The following ESRRG variants were observed in gnomAD, a reference collection of about 807,000 sequenced individuals.
ESRRG encodes estrogen related receptor gamma.
A neutral mutation model predicts 44.0 loss-of-function variants in ESRRG; 13 were observed. The ratio of observed to expected loss-of-function variants is 0.30; its 90% confidence interval spans 0.19 to 0.47. ESRRG has a LOEUF of 0.47. Ranked by LOEUF, ESRRG falls within the 20% of genes least tolerant of loss-of-function variation. ESRRG has a pLI of 1.00. For synonymous variants in ESRRG, 215 were observed against 214.6 expected (o/e 1.00, Z -0.02); for missense variants, 395 against 580.6 (o/e 0.68, Z 3.29).
At chr1:216,905,735 A>C (rs746637229) in intron 2 of ESRRG, among the ~76,000 whole-genome samples, 6 of 152,056 alleles carry the variant, frequency 3.9e-5, no homozygotes, top group Admixed American at 3.9e-4. Flanking sequence ...CTGTTAAATA[A>C]ATTTATTCTT....
chr1:216,865,468 C>G (rs892852104), intron 2 of ESRRG, among the ~76,000 whole-genome samples: 8 of 151,748 alleles, frequency 5.3e-5, no homozygotes, highest in African/African-American at 1.9e-4. Context: ...AACACATTTA[C>G]AAAGTATGCT....
intron 1 of ESRRG, among the ~76,000 whole-genome samples, chr1:217,070,128 A>C (rs1343199347): frequency 6.6e-6 from 1 of 152,186 alleles, no homozygotes; most frequent in Admixed American, 6.5e-5. Context: ...TAAAATGCAG[A>C]GAATGACTCT....
At chr1:216,956,507 C>A (rs552848065) in intron 1 of ESRRG, among the ~76,000 whole-genome samples, 61 of 152,212 alleles carry the variant, frequency 4.0e-4, no homozygotes, top group African/African-American at 1.4e-3. Flanking sequence ...TGATCACTAT[C>A]GCTTTGTAGT....
In ESRRG at chr1:216,910,886, A is replaced by G. The variant is rs112179455; in HGVS notation, c.-14+28696T>C. On this transcript the variant is annotated intron_variant, in intron 2 of 7. Transcript: ENST00000359162. ...CTAAGAAAGCTTTGAGACTATAGGC[A>G]TGTCTACATTAGAAAGCAAATATTC... Among the ~76,000 whole-genome samples, 275 of 152,376 alleles carry G rather than the reference A, an allele frequency of 1.8e-3. 7 individuals carry two copies. The highest frequency in any genetic ancestry group is 6.3e-3 in the African/African-American group (264 of 41,596).
intron 1 of ESRRG, among the ~76,000 whole-genome samples, chr1:217,022,980 C>T (rs11117753): frequency 0.011 from 1,634 of 152,174 alleles, 22 homozygotes; most frequent in African/African-American, 0.037. Context: ...CTTTTGTGTG[C>T]TGGGATGAAC....
chr1:216,683,745 T>C (rs576844862), intron 1 of ESRRG, among the ~76,000 whole-genome samples: 1 of 152,342 alleles, frequency 6.6e-6, no homozygotes, highest in East Asian at 1.9e-4. Context: ...TCATACCTAC[T>C]GACCAAACTC....
chr1:216,890,862 G>T (rs568506075), intron 2 of ESRRG, among the ~76,000 whole-genome samples: 24 of 152,012 alleles, frequency 1.6e-4, no homozygotes, highest in Non-Finnish European at 3.2e-4. Context: ...CTCTCCTATC[G>T]CACTGTTTCT....
intron 2 of ESRRG, among the ~76,000 whole-genome samples, chr1:216,818,360 A>G (rs1538526): frequency 0.18 from 27,122 of 152,256 alleles, 3,014 homozygotes; most frequent in East Asian, 0.32. Flanking sequence ...GAGAGTGCCT[A>G]TCAGGCATTA....
At chr1:216,688,685 G>C (rs2078487921) in intron 1 of ESRRG, among the ~76,000 whole-genome samples, 1 of 151,924 alleles carries the variant, frequency 6.6e-6, no homozygotes, top group Non-Finnish European at 1.5e-5. Context: ...ATATGAAATT[G>C]TTCATATTTG....
intron 1 of ESRRG, among the ~76,000 whole-genome samples, chr1:217,082,898 C>A (rs2151518832): frequency 6.6e-6 from 1 of 152,348 alleles, no homozygotes; most frequent in East Asian, 1.9e-4. Flanking sequence ...TACTTTGCAA[C>A]CAGCCTCAAA....
intron 1 of ESRRG, among the ~76,000 whole-genome samples, chr1:217,035,604 G>A (rs1272854647): frequency 6.6e-6 from 1 of 151,516 alleles, no homozygotes; most frequent in East Asian, 1.9e-4. Flanking sequence ...ACTAGGCCCT[G>A]CGATATTTAA....
At chr1:217,008,436 C>A (rs563773678) in intron 1 of ESRRG, among the ~76,000 whole-genome samples, 2 of 152,314 alleles carry the variant, frequency 1.3e-5, no homozygotes, top group East Asian at 3.9e-4. Context: ...AGAATATCTA[C>A]ATAATGGAAT....
intron 1 of ESRRG, among the ~76,000 whole-genome samples, chr1:216,992,504 G>C (rs1463135326): frequency 2.6e-5 from 4 of 152,130 alleles, no homozygotes; most frequent in Non-Finnish European, 4.4e-5. Context: ...ACCCAGCATA[G>C]TGCCTGACAT....
intron 2 of ESRRG, among the ~76,000 whole-genome samples, chr1:216,925,168 G>T (rs2062365969): frequency 6.6e-6 from 1 of 152,218 alleles, no homozygotes; most frequent in Non-Finnish European, 1.5e-5. Context: ...GCCAAGTGTG[G>T]TGGCTCATGC....
intron 1 of ESRRG, among the ~76,000 whole-genome samples, chr1:216,718,057 G>T (rs1229238047): frequency 1.3e-5 from 2 of 151,694 alleles, no homozygotes; most frequent in Non-Finnish European, 3.0e-5. Context: ...ACAATAATGT[G>T]AAAATTCTAA....
intron 1 of ESRRG, among the ~76,000 whole-genome samples, chr1:216,722,625 T>C (rs573860031): frequency 6.6e-6 from 1 of 152,266 alleles, no homozygotes; most frequent in East Asian, 1.9e-4. Context: ...ATATTTATAA[T>C]GTGTGAAAAT....
chr1:216,672,670 C>G (rs1404841988), intron 2 of ESRRG, among the ~76,000 whole-genome samples: 2 of 152,042 alleles, frequency 1.3e-5, no homozygotes, highest in African/African-American at 2.4e-5. Context: ...GAGTTTGAGA[C>G]CAGCCTGGGC....
intron 3 of ESRRG, among the ~76,000 whole-genome samples, chr1:216,588,330 G>T (rs1327673156): frequency 2.0e-5 from 3 of 152,030 alleles, no homozygotes; most frequent in Non-Finnish European, 4.4e-5. Context: ...CTTTTGATTT[G>T]CAAAGATCTG....
intron 1 of ESRRG, among the ~76,000 whole-genome samples, chr1:216,973,766 C>T (rs978867276): frequency 3.4e-5 from 5 of 147,926 alleles, no homozygotes; most frequent in Admixed American, 6.9e-5. Flanking sequence ...GCAGAGGTTG[C>T]GGTGAGCTGA....
Sources: gnomAD v4.1 joint callset for allele counts (sites outside exome capture counted in the v4.1 genomes callset) on GRCh38, gnomAD v4.1.1 for gene constraint, MANE v1.5 for transcripts, NCBI Gene and HGNC (gene_info 2026-07-23, HGNC 2026-07-21) for gene names.